The following WSCD2 variants were observed in gnomAD, a reference collection of about 807,000 sequenced individuals.
WSCD2 encodes the protein WSC domain sialate O sulfotransferase 2.
Under a neutral mutation model 55.7 loss-of-function variants are expected in WSCD2, and 28 were observed. The ratio of observed to expected loss-of-function variants is 0.50; its 90% CI spans 0.37 to 0.69. The LOEUF (loss-of-function observed/expected upper bound fraction) is 0.69. Ranked by LOEUF, WSCD2 falls within the 30% of genes least tolerant of loss-of-function variation. The pLI is 0.00. For synonymous variants in WSCD2, 301 were observed against 301.9 expected (o/e 1.00, Z 0.03); for missense variants, 616 against 762.1 (o/e 0.81, Z 2.26).
intron 1 of WSCD2, among the ~76,000 whole-genome samples, chr12:108,168,655 T>C (rs1364134384): frequency 1.3e-5 from 2 of 152,238 alleles, no homozygotes; most frequent in African/African-American, 4.8e-5. Context: ...GTGATTACAA[T>C]GGATAATTTA....
intron 1 of WSCD2, among the ~76,000 whole-genome samples, chr12:108,178,497 T>C (rs1881202691): frequency 6.6e-6 from 1 of 152,224 alleles, no homozygotes. Context: ...ATCAGATACT[T>C]TACCACCTTC....
chr12:108,149,500 C>T (rs1877742492), intron 1 of WSCD2, among the ~76,000 whole-genome samples: 2 of 152,204 alleles, frequency 1.3e-5, no homozygotes, highest in Admixed American at 1.3e-4. Context: ...CCAGCCAGGC[C>T]CCCATTCCTG....
chr12:108,219,635 T>C (rs1334978259), intron 4 of WSCD2, among the ~76,000 whole-genome samples: 1 of 152,130 alleles, frequency 6.6e-6, no homozygotes, highest in African/African-American at 2.4e-5. Context: ...CAGACACGAC[T>C]GTGTCTTCCC....
At position 108,139,829 on chromosome 12, in the gene WSCD2, A is replaced by T. The variant is rs559987453; in HGVS notation, c.-552+9903A>T. 3.9e-5 allele frequency among the ~76,000 whole-genome samples: 6 copies of T among 152,344 alleles called. No homozygotes were observed. The East Asian group carries it at 9.6e-4, about 24-fold the overall frequency. ...GGACATGGCAGGTTTTAAATAACAG[A>T]AACTCTCTCACACTGGCTGAAGCCA... On this transcript the variant is annotated intron_variant, in intron 1 of 8. Coordinates refer to ENST00000547525, the MANE Select transcript of WSCD2 (RefSeq NM_014653.4).
intron 6 of WSCD2, 126 bp from the exon 7 acceptor site, chr12:108,232,605 G>C (rs41314113): frequency 1.2e-5 from 11 of 897,902 alleles, no homozygotes; most frequent in Non-Finnish European, 1.6e-5. Flanking sequence ...CATGACCCAC[G>C]CAAGTGTCCT....
At chr12:108,245,272 A>G (rs1276483446) in intron 8 of WSCD2, among the ~76,000 whole-genome samples, 1 of 152,170 alleles carries the variant, frequency 6.6e-6, no homozygotes, top group Non-Finnish European at 1.5e-5. Context: ...CCCTGTGTCT[A>G]AAATGGAGCC....
rs1890271564 is a variant in WSCD2, at chr12:108,248,889, C to T, written c.*546C>T. The stretch of plus-strand genomic sequence containing the variant: ...AGATTGCTGGGAAGTTTCTCCGTGG[C>T]CTTAGGTTTCTGACATCCTGGATAG... On this transcript the variant is annotated 3_prime_UTR_variant, in exon 9 of 9. Coordinates refer to ENST00000547525, the MANE Select transcript of WSCD2 (RefSeq NM_014653.4). This position sits in a 1 kb window ranked among gnomAD's most constrained non-coding sequence, Gnocchi z 4.3. 2.6e-5 allele frequency: 26 copies of T among 988,676 alleles called. No individual in the cohort carries two copies. The highest frequency in any genetic ancestry group is 3.1e-5 in the Non-Finnish European group (26 of 831,674). 61.2% of individuals were successfully genotyped at this position (988,676 alleles called of 1,614,324 possible).
chr12:108,147,518 C>T (rs995750501), intron 1 of WSCD2, among the ~76,000 whole-genome samples: 3 of 151,992 alleles, frequency 2.0e-5, no homozygotes, highest in Non-Finnish European at 4.4e-5. Flanking sequence ...GGGTTACTAG[C>T]GGATATCAAG....
At chr12:108,155,917 A>G (rs1338173187) in intron 1 of WSCD2, among the ~76,000 whole-genome samples, 1 of 152,118 alleles carries the variant, frequency 6.6e-6, no homozygotes, top group Non-Finnish European at 1.5e-5. Flanking sequence ...ACTGTTGGAG[A>G]CCCCACATAG....
intron 6 of WSCD2, among the ~76,000 whole-genome samples, chr12:108,227,756 G>A (rs993541848): frequency 2.0e-5 from 3 of 152,126 alleles, no homozygotes; most frequent in Non-Finnish European, 4.4e-5. Context: ...TGATGATGGT[G>A]ATGATTATGA....
chr12:108,216,467 C>T (rs753390077), intron 4 of WSCD2, among the ~76,000 whole-genome samples: 2 of 152,214 alleles, frequency 1.3e-5, no homozygotes, highest in African/African-American at 4.8e-5. Context: ...TTCACATAGA[C>T]TATGAGCTGT....
intron 1 of WSCD2, among the ~76,000 whole-genome samples, chr12:108,183,719 G>T (rs1163918910): frequency 6.6e-6 from 1 of 152,132 alleles, no homozygotes; most frequent in Non-Finnish European, 1.5e-5. Context: ...ACAGAGAGGA[G>T]GCCCCGAGGT....
chr12:108,161,163 A>G (rs139918645), intron 1 of WSCD2, among the ~76,000 whole-genome samples: 1 of 152,328 alleles, frequency 6.6e-6, no homozygotes, highest in East Asian at 1.9e-4. Context: ...TCTGTAAAAT[A>G]GAAATATTGA....
intron 7 of WSCD2, 152 bp downstream of exon 7, chr12:108,233,047 AC>A (rs147800475): frequency 1.7e-5 from 17 of 979,986 alleles, no homozygotes; most frequent in African/African-American, 5.0e-5. Context: ...CATGCTTGGT[AC>A]CCCCCCACCT....
intron 4 of WSCD2, among the ~76,000 whole-genome samples, chr12:108,212,622 C>CAA (rs1565971487): frequency 6.8e-6 from 1 of 147,276 alleles, no homozygotes; most frequent in African/African-American, 2.6e-5. Flanking sequence ...CTCACACACA[C>CAA]ACACACACAC....
intron 1 of WSCD2, among the ~76,000 whole-genome samples, chr12:108,144,895 C>T (rs1032447436): frequency 1.3e-5 from 2 of 152,170 alleles, no homozygotes; most frequent in African/African-American, 2.4e-5. Context: ...TGCCTAAGCT[C>T]GCACAACTCG....
At chr12:108,208,470 C>A (rs1445306625) in intron 3 of WSCD2, among the ~76,000 whole-genome samples, 1 of 152,066 alleles carries the variant, frequency 6.6e-6, no homozygotes, top group African/African-American at 2.4e-5. Context: ...TGGAGGGCTC[C>A]ATGTGGAGGG....
chr12:108,204,395 G>A (rs1011135036), intron 2 of WSCD2, among the ~76,000 whole-genome samples: 1 of 150,950 alleles, frequency 6.6e-6, no homozygotes. Flanking sequence ...TCTCCCTCCA[G>A]CTCCCTGTAT....
chr12:108,227,210 G>T (rs373565296), intron 6 of WSCD2, 46 bp downstream of exon 6: 495 of 1,580,390 alleles, frequency 3.1e-4, no homozygotes, highest in Non-Finnish European at 3.9e-4. Context: ...ACTCCCAGTG[G>T]CTTCCCTCCC....
Sources: allele counts gnomAD v4.1 joint callset (sites outside exome capture counted in the v4.1 genomes callset), GRCh38; gene constraint gnomAD v4.1.1; non-coding constraint Gnocchi (gnomAD v3.1); transcripts MANE v1.5; gene names NCBI Gene and HGNC (gene_info 2026-07-23, HGNC 2026-07-21).